NTAQ1: variants seen among roughly 807,000 people sequenced by gnomAD.
The protein encoded by NTAQ1 is protein N-terminal glutamine amidohydrolase.
NTAQ1 carries 21 observed loss-of-function variants against 28.2 expected under a neutral mutation model. The observed-to-expected ratio is 0.74, with a 90% CI of 0.53 to 1.07. The LOEUF (loss-of-function observed/expected upper bound fraction) is 1.07, where lower values mean the gene tolerates loss of function less well. Among genes scored for constraint, NTAQ1 ranks in the 50% least tolerant of loss-of-function variants. The pLI, the probability that NTAQ1 is intolerant of heterozygous loss-of-function variation, is 0.00. For missense variants in NTAQ1, 264 were observed against 256.6 expected, an observed-to-expected ratio of 1.03 and a Z score of -0.20; for synonymous variants, 105 against 90.0, an observed-to-expected ratio of 1.17 and a Z score of -0.94.
At chr8:123,444,761 G>A (rs530670151), downstream of NTAQ1, among the ~76,000 whole-genome samples, 2 of 152,150 alleles carry the variant, frequency 1.3e-5, no homozygotes, top group Non-Finnish European at 2.9e-5. Context: ...CACTTGCCTC[G>A]ACCTCCCAAA....
intron 6 of NTAQ1, among the ~76,000 whole-genome samples, chr8:123,465,675 G>A (rs556859270): frequency 3.2e-4 from 44 of 137,044 alleles, no homozygotes; most frequent in African/African-American, 1.2e-3. Flanking sequence ...TTTGCCTCCT[G>A]GGTTCAAGCA....
At chr8:123,471,570 A>T (rs1563910683), downstream of NTAQ1, among the ~76,000 whole-genome samples, 1 of 152,192 alleles carries the variant, frequency 6.6e-6, no homozygotes, top group Non-Finnish European at 1.5e-5. Context: ...CCTGAGATCC[A>T]GGAGAGCTAA....
intron 6 of NTAQ1, among the ~76,000 whole-genome samples, chr8:123,464,579 G>C (rs1476080906): frequency 1.3e-5 from 2 of 152,158 alleles, no homozygotes; most frequent in African/African-American, 2.4e-5. Flanking sequence ...TTCACCTCAA[G>C]GGTACGATGG....
At chr8:123,437,155 T>C in intron 4 of NTAQ1, 55 bp from the exon 5 acceptor site, 2 of 1,599,074 alleles carry the variant, frequency 1.3e-6, no homozygotes, top group Non-Finnish European at 1.7e-6. Flanking sequence ...AAAATGGAGT[T>C]AGAATTTCAA....
At chr8:123,437,156 A>C in intron 4 of NTAQ1, 54 bp from the exon 5 acceptor site, 1 of 1,599,142 alleles carries the variant, frequency 6.3e-7, no homozygotes, top group Non-Finnish European at 8.5e-7. Flanking sequence ...AAATGGAGTT[A>C]GAATTTCAAA....
chr8:123,464,584 C>T (rs1437002094), intron 6 of NTAQ1, among the ~76,000 whole-genome samples: 7 of 152,114 alleles, frequency 4.6e-5, no homozygotes, highest in East Asian at 1.9e-4. Flanking sequence ...CTCAAGGGTA[C>T]GATGGGGGCT....
Position 123,423,401 on chromosome 8 carries a change from C to T in NTAQ1, c.84-4523C>T, listed in dbSNP as rs148427128. ...TTCCTCCCTTTCCCTCCTTTTCCTT[C>T]CTTTCCCTCCTTTTCCTTCTCTTCT... On this transcript the variant is annotated intron_variant, in intron 1 of 5. Transcript: ENST00000287387. Among the ~76,000 whole-genome samples, 406 of 150,254 alleles carry T rather than the reference C, an allele frequency of 2.7e-3. 2 individuals are homozygous for T. The highest frequency in any genetic ancestry group is 9.2e-3 in the African/African-American group (379 of 40,984).
chr8:123,438,261 A>T lies in NTAQ1; in HGVS notation c.508+927A>T, dbSNP rs752331588. On this transcript the variant is annotated intron_variant, in intron 5 of 5. Coordinates refer to ENST00000287387, the MANE Select transcript of NTAQ1 (RefSeq NM_018024.3). ...TTTGTAAGTAATTCACAACATTCCC[A>T]CTTAGGGGTGAGATCATCCCAACAC... is the stretch of plus-strand genomic sequence containing the variant. 12 of 692,308 alleles carry T rather than the reference A, an allele frequency of 1.7e-5. No individual in the cohort carries two copies. In the African/African-American group the frequency reaches 2.1e-4, roughly 12 times the overall value. 42.9% of individuals were successfully genotyped at this position (692,308 alleles called of 1,614,324 possible).
At chr8:123,450,137 C>G (rs7825101), downstream of NTAQ1, among the ~76,000 whole-genome samples, 53,366 of 148,350 alleles carry the variant, frequency 0.36, 9,717 homozygotes, top group East Asian at 0.56. Flanking sequence ...GCCTAGGGAG[C>G]TTTTATTTAG....
chr8:123,471,077 T>C (rs1287033317), downstream of NTAQ1, among the ~76,000 whole-genome samples: 1 of 151,938 alleles, frequency 6.6e-6, no homozygotes, highest in African/African-American at 2.4e-5. Context: ...TGCACCACCA[T>C]GCCTGGCAAA....
chr8:123,464,050 C>T (rs1364467337), intron 6 of NTAQ1, among the ~76,000 whole-genome samples: 1 of 152,206 alleles, frequency 6.6e-6, no homozygotes, highest in East Asian at 1.9e-4. Context: ...CTTTGCTTTT[C>T]CTTCACCTTC....
downstream of NTAQ1, among the ~76,000 whole-genome samples, chr8:123,451,190 A>G (rs940594438): frequency 7.2e-5 from 11 of 152,086 alleles, no homozygotes; most frequent in East Asian, 3.9e-4. Flanking sequence ...ACTGCCTGAC[A>G]TTGAGGTCTG....
At chr8:123,453,778 C>G (rs146486824) in intron 6 of NTAQ1, among the ~76,000 whole-genome samples, 1 of 152,128 alleles carries the variant, frequency 6.6e-6, no homozygotes, top group Non-Finnish European at 1.5e-5. Context: ...CTCAAAACAA[C>G]AATATAAGGT....
chr8:123,422,635 C>T (rs1170462036), intron 1 of NTAQ1, among the ~76,000 whole-genome samples: 2 of 146,002 alleles, frequency 1.4e-5, no homozygotes, highest in Non-Finnish European at 3.0e-5. Flanking sequence ...CTGTGCAGAG[C>T]TCTTTAGTTT....
chr8:123,430,282 G>T (rs768614760), intron 3 of NTAQ1, among the ~76,000 whole-genome samples: 1 of 152,172 alleles, frequency 6.6e-6, no homozygotes, highest in South Asian at 2.1e-4. Context: ...TTGTGATCTA[G>T]ACTCTTACCA....
chr8:123,452,981 A>G (rs1458620829), downstream of NTAQ1, among the ~76,000 whole-genome samples: 4 of 152,238 alleles, frequency 2.6e-5, no homozygotes, highest in Non-Finnish European at 5.9e-5. Context: ...CTTAGAGTCA[A>G]TAGGCAATCT....
chr8:123,436,808 A>G (rs536594382), intron 4 of NTAQ1, among the ~76,000 whole-genome samples: 39 of 152,236 alleles, frequency 2.6e-4, no homozygotes, highest in Non-Finnish European at 4.6e-4. Flanking sequence ...AAAGGTTGTC[A>G]TTCTTTTAAA....
intron 3 of NTAQ1, among the ~76,000 whole-genome samples, chr8:123,433,156 C>T (rs1814499937): frequency 6.6e-6 from 1 of 152,218 alleles, no homozygotes; most frequent in African/African-American, 2.4e-5. Context: ...AGTGAGGCCG[C>T]TGCTCAAGCC....
chr8:123,440,448 G>T (rs538775244), intron 5 of NTAQ1, among the ~76,000 whole-genome samples: 1 of 149,948 alleles, frequency 6.7e-6, no homozygotes, highest in African/African-American at 2.5e-5. Flanking sequence ...GAGCCACCAC[G>T]CCTGGCTGCT....
Sources: allele counts gnomAD v4.1 joint callset (sites outside exome capture counted in the v4.1 genomes callset), GRCh38; gene constraint gnomAD v4.1.1; transcripts MANE v1.5; gene names NCBI Gene and HGNC (gene_info 2026-07-23, HGNC 2026-07-21).